ARID2: variants seen among roughly 807,000 people sequenced by gnomAD.
The protein encoded by ARID2 is AT-rich interactive domain-containing protein 2.
In ARID2, 32 loss-of-function variants were observed where a neutral mutation model predicts 184.6. The ratio of observed to expected loss-of-function variants is 0.17; its 90% confidence interval spans 0.13 to 0.23. The LOEUF (loss-of-function observed/expected upper bound fraction) is 0.23. ARID2 is among the 10% of genes least tolerant of loss of function. ARID2 has a pLI of 1.00. For missense variants in ARID2, 1,696 were observed against 2,197.6 expected, an observed-to-expected ratio of 0.77 and a Z score of 4.56; for synonymous variants, 836 against 772.6, an observed-to-expected ratio of 1.08 and a Z score of -1.36.
intron 3 of ARID2, among the ~76,000 whole-genome samples, chr12:45,785,607 T>G (rs1014263242): frequency 2.6e-5 from 4 of 152,108 alleles, no homozygotes; most frequent in Non-Finnish European, 1.5e-5. Context: ...GCTCCAAAAT[T>G]GGAAACTTTA....
chr12:45,865,316 C>T (rs1943814825), intron 16 of ARID2, among the ~76,000 whole-genome samples: 1 of 152,064 alleles, frequency 6.6e-6, no homozygotes, highest in African/African-American at 2.4e-5. Context: ...TGTCCTATGT[C>T]ATACTCCAAA....
At position 45,850,555 on chromosome 12, in the gene ARID2, G is replaced by A. The variant is rs1943528054; in HGVS notation, c.2432G>A (p.Cys811Tyr). The change falls in exon 15 of 21, where the codon TGT becomes TAT. Residue 811 changes from cysteine to tyrosine, a missense_variant. By Grantham distance (194) the Cys-to-Tyr change is radical. Coordinates refer to ENST00000334344, the MANE Select transcript of ARID2 (RefSeq NM_152641.4). Reference protein sequence around the residue: ...MFGRVQNIPACTSTVSQGQQL... With the variant: ...MFGRVQNIPAYTSTVSQGQQL... Reference sequence around the variant, plus strand: ...GGCAGAGTACAGAACATACCAGCATGTACTTCTACAGTTTCACAGGGTCAA... The same window carrying A: ...GGCAGAGTACAGAACATACCAGCATATACTTCTACAGTTTCACAGGGTCAA... The A allele has an allele frequency of 1.2e-6, 2 of 1,613,950 alleles. No individual in the cohort carries two copies. Among genetic ancestry groups the A allele is most frequent in the East Asian group, 4.5e-5 (2 of 44,892 alleles).
intron 6 of ARID2, among the ~76,000 whole-genome samples, chr12:45,829,457 C>G (rs1943067946): frequency 6.6e-6 from 1 of 151,730 alleles, no homozygotes; most frequent in Non-Finnish European, 1.5e-5. Context: ...ATTTTTCTGT[C>G]CTCATTCTTT....
chr12:45,749,422 G>A (rs1255601160), intron 3 of ARID2, among the ~76,000 whole-genome samples: 2 of 152,180 alleles, frequency 1.3e-5, no homozygotes, highest in Admixed American at 6.5e-5. Context: ...TACAGACAGA[G>A]TAGATTTAGC....
intron 20 of ARID2, among the ~76,000 whole-genome samples, chr12:45,897,485 CCTGT>C (rs1487147395): frequency 1.3e-5 from 2 of 152,138 alleles, no homozygotes; most frequent in Non-Finnish European, 2.9e-5. Flanking sequence ...TTGCAAGTCA[CCTGT>C]CTGAGAAGAA....
chr12:45,755,586 T>C (rs1049292705), intron 3 of ARID2, among the ~76,000 whole-genome samples: 1 of 152,238 alleles, frequency 6.6e-6, no homozygotes, highest in Non-Finnish European at 1.5e-5. Flanking sequence ...TTGGATAAAC[T>C]GTTCTATATT....
intron 18 of ARID2, among the ~76,000 whole-genome samples, chr12:45,892,939 T>C (rs989826011): frequency 4.6e-5 from 7 of 152,220 alleles, no homozygotes; most frequent in Non-Finnish European, 8.8e-5. Flanking sequence ...TTTAGCATAA[T>C]TCCATGTTAT....
In ARID2 at chr12:45,811,570, T is replaced by G. The variant is rs1347859987; in HGVS notation, c.418+19T>G. On this transcript the variant is annotated intron_variant, in intron 4 of 20. Coordinates refer to ENST00000334344, the MANE Select transcript of ARID2 (RefSeq NM_152641.4). ...GTGTCGGGTAAATATCACTGCAAAT[T>G]AACAGGATATATGTCCGCAGTTTTG... 5 of 1,610,952 alleles carry G rather than the reference T, an allele frequency of 3.1e-6. No homozygotes were observed. The highest frequency in any genetic ancestry group is 3.4e-6 in the Non-Finnish European group (4 of 1,178,586).
chr12:45,899,740 T>TATATATATATGG (rs1238265651), intron 20 of ARID2, among the ~76,000 whole-genome samples: 4 of 142,796 alleles, frequency 2.8e-5, no homozygotes, highest in African/African-American at 1.0e-4. Flanking sequence ...TATATATGGT[T>TATATATATATGG]TTATATATAT....
intron 3 of ARID2, among the ~76,000 whole-genome samples, chr12:45,736,460 AT>A (rs1239814219): frequency 6.6e-6 from 1 of 152,206 alleles, no homozygotes; most frequent in African/African-American, 2.4e-5. Context: ...ACTGCATTTC[AT>A]TAGTCAGTGA....
At position 45,852,431 on chromosome 12, in the gene ARID2, T is replaced by C; in HGVS notation, c.4308T>C (p.Asn1436=). 6.2e-7 allele frequency: 1 copy of C among 1,614,158 alleles called. No homozygotes were observed. The highest frequency in any genetic ancestry group is 8.5e-7 in the Non-Finnish European group (1 of 1,180,006). ...SSVSSIQEAS[N]AATQQFSGTD... Reference sequence around the variant, plus strand: ...TGAGCAGTATACAGGAGGCTTCAAATGCGGCAACACAGCAATTTAGTGGTA... The same window carrying C: ...TGAGCAGTATACAGGAGGCTTCAAACGCGGCAACACAGCAATTTAGTGGTA... Residue 1436 remains asparagine (N), a synonymous_variant, in exon 15 of 21, where the codon AAT becomes AAC. Coordinates refer to ENST00000334344, the MANE Select transcript of ARID2 (RefSeq NM_152641.4).
chr12:45,848,060 C>A (rs1052756227), intron 12 of ARID2, among the ~76,000 whole-genome samples: 1 of 151,812 alleles, frequency 6.6e-6, no homozygotes, highest in South Asian at 2.1e-4. Context: ...CCCAGTTGCA[C>A]GTTTCTGCTA....
intron 3 of ARID2, among the ~76,000 whole-genome samples, chr12:45,787,182 A>G (rs1942210474): frequency 6.6e-6 from 1 of 151,116 alleles, no homozygotes; most frequent in South Asian, 2.1e-4. Flanking sequence ...TAATCAGTTC[A>G]TTTTAGCCAT....
intron 3 of ARID2, among the ~76,000 whole-genome samples, chr12:45,770,626 G>A (rs1445562382): frequency 6.6e-6 from 1 of 152,204 alleles, no homozygotes; most frequent in East Asian, 1.9e-4. Context: ...CCAAAGAGAG[G>A]ACACGGAAGT....
intron 16 of ARID2, among the ~76,000 whole-genome samples, chr12:45,891,102 T>G (rs1187380368): frequency 6.6e-6 from 1 of 151,526 alleles, no homozygotes; most frequent in Non-Finnish European, 1.5e-5. Flanking sequence ...GAGGTGGAGG[T>G]TGCAGTGAGC....
chr12:45,840,525 C>T (rs993278515), intron 11 of ARID2: 2 of 152,164 alleles, frequency 1.3e-5, no homozygotes, highest in Non-Finnish European at 2.9e-5. Flanking sequence ...TTTATTTACT[C>T]ACTTTTTCCT....
In ARID2 at chr12:45,899,671, TTATATATGGTTA is replaced by T. The variant is rs1180792409; in HGVS notation, c.5364-5255_5364-5244del. Among the ~76,000 whole-genome samples the T allele has an allele frequency of 6.6e-5, 3 of 45,140 alleles. No individual in the cohort carries two copies. In the East Asian group the frequency reaches 2.7e-3, roughly 40 times the overall value. The allele number at this position is 45,140 out of a possible 152,430, so 29.6% of individuals were successfully genotyped here. A position where few individuals can be genotyped will look rare whatever the true frequency, so the allele number is the denominator to read the frequency against. On this transcript the variant is annotated intron_variant, in intron 20 of 20. Coordinates refer to ENST00000334344, the MANE Select transcript of ARID2 (RefSeq NM_152641.4). ...TATTTGGTTATATATATATATATGG[TTATATATGGTTA>T]TATATATATGGTTATATATATATAT...
intron 16 of ARID2, among the ~76,000 whole-genome samples, chr12:45,878,335 C>G (rs1266055451): frequency 6.6e-6 from 1 of 152,074 alleles, no homozygotes; most frequent in East Asian, 1.9e-4. Flanking sequence ...TCTTTTTCTT[C>G]TCTTTATGGT....
In ARID2 at chr12:45,893,432, A is replaced by T. The variant is rs376095982; in HGVS notation, c.5160A>T (p.Val1720=). 9.3e-6 allele frequency: 15 copies of T among 1,612,928 alleles called. No homozygotes were observed. The highest frequency in any genetic ancestry group is 1.3e-5 in the Non-Finnish European group (15 of 1,179,476). ...SQKSSTKQPT[V]GGTSSTPRAQ... ...CTGATCAATTTAGGCAGCCAACTGT[A>T]GGGGGCACAAGCTCAACTCCTAGAG... Residue 1720 remains valine, a synonymous_variant, in exon 19 of 21, where the codon GTA becomes GTT. Coordinates refer to ENST00000334344, the MANE Select transcript of ARID2 (RefSeq NM_152641.4).
Sources: allele counts gnomAD v4.1 joint callset (sites outside exome capture counted in the v4.1 genomes callset), GRCh38; gene constraint gnomAD v4.1.1; transcripts MANE v1.5; gene names NCBI Gene and HGNC (gene_info 2026-07-23, HGNC 2026-07-21).